The following SLC35D4 variants were observed in gnomAD, a reference collection of about 807,000 sequenced individuals.
SLC35D4 encodes UDP-N-acetylglucosamine transporter SLC35D4.
the SLC35D4 span, chr18:23,373,880 C>T: frequency 7.5e-6 from 8 of 1,067,882 alleles, no homozygotes; most frequent in East Asian, 8.1e-5. Flanking sequence ...TCCTGCGAGA[C>T]CAACTTGGTT....
At chr18:23,261,744 CA>C in the SLC35D4 span, among the ~76,000 whole-genome samples, 1 of 152,226 alleles carries the variant, frequency 6.6e-6, no homozygotes, top group Non-Finnish European at 1.5e-5. Context: ...CACCTTCTTA[CA>C]AAATAGGCTT....
chr18:23,435,653 T>C, the SLC35D4 span, among the ~76,000 whole-genome samples: 1 of 152,274 alleles, frequency 6.6e-6, no homozygotes, highest in African/African-American at 2.4e-5. Context: ...TCTTATAGTT[T>C]GCCACAATGG....
At chr18:23,243,611 G>A in the SLC35D4 span, among the ~76,000 whole-genome samples, 1 of 151,380 alleles carries the variant, frequency 6.6e-6, no homozygotes, top group African/African-American at 2.4e-5. Context: ...GGTGGCTCAT[G>A]CCTGTAATCC....
chr18:23,365,941 G>A, the SLC35D4 span, among the ~76,000 whole-genome samples: 1 of 152,096 alleles, frequency 6.6e-6, no homozygotes, highest in Non-Finnish European at 1.5e-5. Flanking sequence ...TCTCAATCCT[G>A]GCTGACCCTA....
At chr18:23,242,673 T>C in the SLC35D4 span, among the ~76,000 whole-genome samples, 1 of 152,030 alleles carries the variant, frequency 6.6e-6, no homozygotes, top group Admixed American at 6.6e-5. Context: ...AAGAAATCCC[T>C]CTTGCACTGT....
the SLC35D4 span, among the ~76,000 whole-genome samples, chr18:23,429,008 A>G: frequency 6.6e-6 from 1 of 152,240 alleles, no homozygotes; most frequent in Non-Finnish European, 1.5e-5. Context: ...TGCTGCTGCT[A>G]AGGACATAAT....
At chr18:23,414,026 G>A in the SLC35D4 span, among the ~76,000 whole-genome samples, 9 of 151,516 alleles carry the variant, frequency 5.9e-5, no homozygotes, top group African/African-American at 2.2e-4. Flanking sequence ...GGAGGCCGAG[G>A]CAGGTGGATC....
At chr18:23,357,949 C>T in the SLC35D4 span, among the ~76,000 whole-genome samples, 3 of 152,138 alleles carry the variant, frequency 2.0e-5, no homozygotes, top group Non-Finnish European at 2.9e-5. Flanking sequence ...ACTGTCAAAC[C>T]GTGTTGGTAG....
chr18:23,266,297 G>T, the SLC35D4 span, among the ~76,000 whole-genome samples: 2 of 151,586 alleles, frequency 1.3e-5, no homozygotes, highest in African/African-American at 4.9e-5. Context: ...CCATCAGAGG[G>T]ACTCTGGAAG....
the SLC35D4 span, among the ~76,000 whole-genome samples, chr18:23,274,500 C>G: frequency 2.0e-5 from 3 of 152,186 alleles, no homozygotes; most frequent in Non-Finnish European, 4.4e-5. Flanking sequence ...GAAAGGTGGT[C>G]AAATATTGCC....
chr18:23,240,432 C>T, the SLC35D4 span, among the ~76,000 whole-genome samples: 1 of 152,232 alleles, frequency 6.6e-6, no homozygotes, highest in Non-Finnish European at 1.5e-5. Context: ...CTGACTCGGC[C>T]CCAGGCACAG....
At chr18:23,248,512 C>CTTTTTTTTTTTTTT in the SLC35D4 span, among the ~76,000 whole-genome samples, 38 of 90,720 alleles carry the variant, frequency 4.2e-4, 2 homozygotes, top group Non-Finnish European at 5.5e-4. Context: ...GACCCTATGT[C>CTTTTTTTTTTTTTT]TTTTTTTTTT....
chr18:23,324,453 C>G, the SLC35D4 span, among the ~76,000 whole-genome samples: 1 of 152,168 alleles, frequency 6.6e-6, no homozygotes, highest in Non-Finnish European at 1.5e-5. Flanking sequence ...AAGACGCTTT[C>G]ATTGAATTAG....
At chr18:23,328,213 G>A in the SLC35D4 span, among the ~76,000 whole-genome samples, 1 of 152,140 alleles carries the variant, frequency 6.6e-6, no homozygotes, top group Non-Finnish European at 1.5e-5. Flanking sequence ...GGGCAATCAG[G>A]CAGGAGAAAG....
At chr18:23,368,334 C>T in the SLC35D4 span, among the ~76,000 whole-genome samples, 1 of 152,224 alleles carries the variant, frequency 6.6e-6, no homozygotes, top group Non-Finnish European at 1.5e-5. Context: ...TTGGACACCC[C>T]TTGGGCCTGG....
the SLC35D4 span, among the ~76,000 whole-genome samples, chr18:23,348,424 G>A: frequency 1.3e-5 from 2 of 152,296 alleles, no homozygotes; most frequent in East Asian, 3.9e-4. Context: ...GTCAACTGCT[G>A]AGAGTGCAGT....
chr18:23,248,096 C>G, the SLC35D4 span, among the ~76,000 whole-genome samples: 1 of 152,252 alleles, frequency 6.6e-6, no homozygotes, highest in Admixed American at 6.5e-5. Flanking sequence ...GGGCCTGGCG[C>G]GCTCTGCCAC....
chr18:23,365,703 C>T, the SLC35D4 span: 2 of 1,607,438 alleles, frequency 1.2e-6, no homozygotes, highest in African/African-American at 1.3e-5. Flanking sequence ...CAAGAAGTTT[C>T]CCCGGCACCA....
the SLC35D4 span, among the ~76,000 whole-genome samples, chr18:23,269,899 C>G: frequency 6.6e-6 from 1 of 152,126 alleles, no homozygotes; most frequent in Non-Finnish European, 1.5e-5. Context: ...CAAGAGGAAG[C>G]AGAGCAAAAA....
Sources: allele counts gnomAD v4.1 joint callset (sites outside exome capture counted in the v4.1 genomes callset), GRCh38; gene constraint gnomAD v4.1.1; transcripts MANE v1.5; gene names NCBI Gene and HGNC (gene_info 2026-07-23, HGNC 2026-07-21).